TBPL2: variants seen among roughly 807,000 people sequenced by gnomAD.
TBPL2 encodes TATA-box binding protein like 2, also known as TATA box-binding protein-like 2.
Under a neutral mutation model 38.2 loss-of-function variants are expected in TBPL2, and 40 were observed. The observed-to-expected ratio is 1.05, with a 90% CI of 0.81 to 1.36. The LOEUF (loss-of-function observed/expected upper bound fraction) is 1.36, where lower values mean the gene tolerates loss of function less well. TBPL2 is among the 40% of genes most tolerant of loss of function. The pLI is 0.00. For synonymous variants in TBPL2, 169 were observed against 171.7 expected (o/e 0.98, Z 0.12); for missense variants, 461 against 456.7 (o/e 1.01, Z -0.09).
At chr14:55,424,117 G>A in intron 6 of TBPL2, 42 bp downstream of exon 6, 3 of 1,392,372 alleles carry the variant, frequency 2.2e-6, no homozygotes, top group Non-Finnish European at 3.1e-6. Flanking sequence ...CACATGCATA[G>A]CAATTACATT....
intron 5 of TBPL2, among the ~76,000 whole-genome samples, chr14:55,428,050 C>T (rs1400104380): frequency 1.3e-5 from 2 of 148,836 alleles, no homozygotes; most frequent in African/African-American, 4.9e-5. Flanking sequence ...CATCTTCTCC[C>T]CAATCCATTC....
chr14:55,425,364 A>G (rs1403154798), intron 5 of TBPL2, among the ~76,000 whole-genome samples: 1 of 152,224 alleles, frequency 6.6e-6, no homozygotes, highest in African/African-American at 2.4e-5. Flanking sequence ...TGAAGGCTGG[A>G]GACACAAAAA....
chr14:55,414,240 G>C, exon 7 of TBPL2: 1 of 645,206 alleles, frequency 1.5e-6, no homozygotes, highest in Non-Finnish European at 2.7e-6. Context: ...TCGTTTCTTA[G>C]GTTACTTACA....
chr14:55,436,340 C>T (rs1284954849), intron 2 of TBPL2, among the ~76,000 whole-genome samples: 3 of 152,166 alleles, frequency 2.0e-5, no homozygotes, highest in Non-Finnish European at 4.4e-5. Context: ...ATCTATTAAT[C>T]TTTAAGTCCC....
Position 55,428,976 on chromosome 14 carries a change from T to C in TBPL2, c.789-2A>G, listed in dbSNP as rs547809007. The stretch of plus-strand genomic sequence containing the variant: ...GCTGCAAGTCGAGACTGCTCTTCAC[T>C]GGGGAGGGGCAAATATGTTTAAAGA... On this transcript the variant is annotated splice_acceptor_variant, in intron 4 of 6. Transcript: ENST00000247219. LOFTEE classifies it high-confidence loss of function. 2.5e-6 allele frequency: 4 copies of C among 1,613,968 alleles called. No individual in the cohort carries two copies. Among genetic ancestry groups the C allele is most frequent in the Non-Finnish European group, 3.4e-6 (4 of 1,179,952 alleles).
At chr14:55,421,998 AAAATT>A (rs1885752414) in intron 6 of TBPL2, among the ~76,000 whole-genome samples, 1 of 152,216 alleles carries the variant, frequency 6.6e-6, no homozygotes, top group Non-Finnish European at 1.5e-5. Context: ...AAGAAATATA[AAAATT>A]AAAGTAATGA....
intron 5 of TBPL2, among the ~76,000 whole-genome samples, chr14:55,428,513 T>C (rs1033323728): frequency 6.6e-6 from 1 of 152,126 alleles, no homozygotes; most frequent in Non-Finnish European, 1.5e-5. Flanking sequence ...TTGAGCTTTT[T>C]AGAAACACAA....
chr14:55,430,871 A>T (rs10146352), intron 4 of TBPL2, among the ~76,000 whole-genome samples: 42,592 of 152,122 alleles, frequency 0.28, 7,732 homozygotes, highest in African/African-American at 0.53. Flanking sequence ...AATCTATTAC[A>T]TTTCCCGTAA....
chr14:55,420,198 G>A (rs531751332), intron 6 of TBPL2, among the ~76,000 whole-genome samples: 2 of 152,336 alleles, frequency 1.3e-5, no homozygotes, highest in East Asian at 3.9e-4. Context: ...AGCCTCCTAA[G>A]TAGCTGGGAT....
In TBPL2 at chr14:55,435,563, C is replaced by T. The variant is rs180676887; in HGVS notation, c.696+284G>A. 1.3e-3 allele frequency among the ~76,000 whole-genome samples: 203 copies of T among 152,172 alleles called. 1 individual carries two copies. The highest frequency in any genetic ancestry group is 0.01 in the Middle Eastern group (3 of 294). ...TGCTGGGATTACAGGAGTGAGCCAC[C>T]GTGCCCAGCCTAAGTGAAAAATTAT... On this transcript the variant is annotated intron_variant, in intron 3 of 6. Transcript: ENST00000247219.
At chr14:55,439,101 C>T (rs1057170577) in intron 1 of TBPL2, among the ~76,000 whole-genome samples, 3 of 151,778 alleles carry the variant, frequency 2.0e-5, no homozygotes, top group Non-Finnish European at 4.4e-5. Context: ...CCACGCCCAG[C>T]TAATTTTTGT....
chr14:55,437,122 T>A, intron 1 of TBPL2, 104 bp from the exon 2 acceptor site: 2 of 993,064 alleles, frequency 2.0e-6, no homozygotes, highest in Non-Finnish European at 3.1e-6. Flanking sequence ...GTATTCAGTG[T>A]AAGAGGCAGT....
intron 5 of TBPL2, among the ~76,000 whole-genome samples, chr14:55,427,572 T>A (rs1001936805): frequency 6.6e-5 from 10 of 152,088 alleles, no homozygotes. Context: ...GCCAAGAGAA[T>A]TTAAGAGCAT....
At chr14:55,430,346 G>A (rs1011742479) in intron 4 of TBPL2, among the ~76,000 whole-genome samples, 10 of 138,878 alleles carry the variant, frequency 7.2e-5, no homozygotes, top group African/African-American at 2.5e-4. Flanking sequence ...TTGGGTATTC[G>A]TTACTACATA....
At chr14:55,437,779 T>C (rs1886039741) in intron 1 of TBPL2, among the ~76,000 whole-genome samples, 1 of 152,232 alleles carries the variant, frequency 6.6e-6, no homozygotes, top group Non-Finnish European at 1.5e-5. Flanking sequence ...AAGTTTAAGA[T>C]ATAGTTGAAT....
chr14:55,421,545 C>T (rs1885745129), intron 6 of TBPL2, among the ~76,000 whole-genome samples: 1 of 152,194 alleles, frequency 6.6e-6, no homozygotes, highest in Admixed American at 6.5e-5. Context: ...CTCACTGCAG[C>T]CTCTGCCTCC....
intron 6 of TBPL2, among the ~76,000 whole-genome samples, chr14:55,419,804 A>G (rs984198422): frequency 2.6e-5 from 4 of 152,212 alleles, no homozygotes; most frequent in Non-Finnish European, 5.9e-5. Context: ...ACAGTTCCCA[A>G]CTAGGCAAGA....
At chr14:55,437,014 C>T in exon 2 of TBPL2, 1 of 1,612,840 alleles carries the variant, frequency 6.2e-7, no homozygotes, top group Non-Finnish European at 8.5e-7. Context: ...TGGGGCAAGG[C>T]CATCCTAGGC....
At chr14:55,440,577 C>T in exon 1 of TBPL2, 1 of 1,560,498 alleles carries the variant, frequency 6.4e-7, no homozygotes, top group East Asian at 2.3e-5. Flanking sequence ...GGCGGGGCGG[C>T]CCTCGGCCCA....
Sources: gnomAD v4.1 joint callset for allele counts (sites outside exome capture counted in the v4.1 genomes callset) on GRCh38, gnomAD v4.1.1 for gene constraint, MANE v1.5 for transcripts, NCBI Gene and HGNC (gene_info 2026-07-23, HGNC 2026-07-21) for gene names.